GNAQ: variants seen among roughly 807,000 people sequenced by gnomAD.
The protein encoded by GNAQ is guanine nucleotide-binding protein G(q) subunit alpha.
GNAQ carries 8 observed loss-of-function variants against 43.9 expected under a neutral mutation model. That is an observed-to-expected ratio of 0.18 (90% CI 0.11 to 0.33). The LOEUF is 0.33. Ranked by LOEUF, GNAQ falls within the 10% of genes least tolerant of loss-of-function variation. The pLI is 1.00. For missense variants in GNAQ, 158 were observed against 450.8 expected (o/e 0.35, Z 5.88); for synonymous variants, 155 against 170.7 (o/e 0.91, Z 0.71).
intron 1 of GNAQ, among the ~76,000 whole-genome samples, chr9:77,985,337 G>A (rs1823422121): frequency 6.6e-6 from 1 of 152,078 alleles, no homozygotes; most frequent in South Asian, 2.1e-4. Flanking sequence ...ACAAACAAAA[G>A]AGTTTGTAGA....
chr9:77,850,254 C>T (rs1827653245), intron 2 of GNAQ, among the ~76,000 whole-genome samples: 1 of 152,204 alleles, frequency 6.6e-6, no homozygotes, highest in South Asian at 2.1e-4. Flanking sequence ...TGCCCTCACT[C>T]ACCAAGTCAG....
chr9:77,801,397 A>G (rs1826740923), intron 3 of GNAQ, among the ~76,000 whole-genome samples: 1 of 152,216 alleles, frequency 6.6e-6, no homozygotes. Flanking sequence ...GAGAATGACA[A>G]CAACAGCATA....
chr9:77,996,872 C>T (rs1309860897), intron 1 of GNAQ, among the ~76,000 whole-genome samples: 3 of 152,046 alleles, frequency 2.0e-5, no homozygotes, highest in Admixed American at 1.3e-4. Flanking sequence ...CAGTATCTGC[C>T]ACAATTGTTA....
chr9:77,725,000 A>G (rs1825376050), intron 6 of GNAQ, among the ~76,000 whole-genome samples: 1 of 152,200 alleles, frequency 6.6e-6, no homozygotes, highest in South Asian at 2.1e-4. Context: ...CATTTCATAA[A>G]AAGAACATTA....
chr9:78,005,891 C>T (rs1823700394), intron 1 of GNAQ, among the ~76,000 whole-genome samples: 1 of 152,170 alleles, frequency 6.6e-6, no homozygotes, highest in Admixed American at 6.5e-5. Flanking sequence ...GCAAAATCGG[C>T]CAACGGAAAA....
intron 2 of GNAQ, among the ~76,000 whole-genome samples, chr9:77,886,072 G>A (rs2118087333): frequency 6.6e-6 from 1 of 152,232 alleles, no homozygotes; most frequent in East Asian, 1.9e-4. Flanking sequence ...CACCTCCTGG[G>A]TTCAAGTGAC....
intron 1 of GNAQ, among the ~76,000 whole-genome samples, chr9:78,005,952 T>A (rs374419617): frequency 6.6e-6 from 1 of 152,318 alleles, no homozygotes; most frequent in African/African-American, 2.4e-5. Context: ...CCATGGGTCC[T>A]CTCCAAGTGG....
At chr9:77,867,076 G>A (rs1827961973) in intron 2 of GNAQ, among the ~76,000 whole-genome samples, 1 of 152,134 alleles carries the variant, frequency 6.6e-6, no homozygotes, top group South Asian at 2.1e-4. Context: ...ACTGTTCAGA[G>A]ATCAATTGCA....
intron 1 of GNAQ, among the ~76,000 whole-genome samples, chr9:77,951,033 C>A (rs1174842278): frequency 1.3e-5 from 2 of 150,876 alleles, no homozygotes; most frequent in Non-Finnish European, 2.9e-5. Flanking sequence ...ATCTTCACCC[C>A]AGTATACTTT....
chr9:77,996,894 C>G (rs1823576522), intron 1 of GNAQ, among the ~76,000 whole-genome samples: 1 of 152,108 alleles, frequency 6.6e-6, no homozygotes, highest in South Asian at 2.1e-4. Flanking sequence ...TGGTTCTTCC[C>G]TTCTACGGAT....
intron 2 of GNAQ, among the ~76,000 whole-genome samples, chr9:77,864,952 T>C (rs1393248381): frequency 6.6e-6 from 1 of 152,174 alleles, no homozygotes; most frequent in African/African-American, 2.4e-5. Context: ...TGTGCCCTTG[T>C]TGGAATTTGG....
chr9:77,952,917 TG>T (rs1250590485), intron 1 of GNAQ, among the ~76,000 whole-genome samples: 2 of 152,262 alleles, frequency 1.3e-5, no homozygotes, highest in African/African-American at 4.8e-5. Context: ...ATATTAAGTA[TG>T]TTTTTGAGAA....
At chr9:77,892,766 TGAG>T (rs1460457097) in intron 2 of GNAQ, among the ~76,000 whole-genome samples, 1 of 152,182 alleles carries the variant, frequency 6.6e-6, no homozygotes, top group Non-Finnish European at 1.5e-5. Context: ...TAAGAATCTA[TGAG>T]GAGATTAAAA....
intron 5 of GNAQ, among the ~76,000 whole-genome samples, chr9:77,761,738 C>T (rs1251951029): frequency 1.1e-4 from 8 of 71,504 alleles, no homozygotes; most frequent in Admixed American, 2.3e-4. Flanking sequence ...GTCAGCCCCC[C>T]GCCCGGCCAG....
chr9:77,848,637 A>T (rs1827623342), intron 2 of GNAQ, among the ~76,000 whole-genome samples: 1 of 152,242 alleles, frequency 6.6e-6, no homozygotes, highest in Non-Finnish European at 1.5e-5. Flanking sequence ...GATGACAATT[A>T]ATTAGTGTGG....
chr9:78,030,628 C>T lies in GNAQ; in HGVS notation c.136+472G>A, dbSNP rs73653024. On this transcript the variant is annotated intron_variant, in intron 1 of 6. Transcript: ENST00000286548. ...CCGGCCACTCCACCGCAGGCCATCC[C>T]CCAACGTGCCCCGGCTCCGCTCGCC... The T allele has an allele frequency of 1.3e-3, 587 of 443,484 alleles. 1 individual carries two copies. Among genetic ancestry groups the T allele is most frequent in the African/African-American group, 0.011 (530 of 49,518 alleles). The allele number at this position is 443,484 out of a possible 1,614,324, so 27.5% of individuals were successfully genotyped here.
intron 2 of GNAQ, among the ~76,000 whole-genome samples, chr9:77,887,821 C>T (rs1828335604): frequency 6.6e-6 from 1 of 152,118 alleles, no homozygotes; most frequent in Non-Finnish European, 1.5e-5. Context: ...CTATTATTCC[C>T]CAAGGCTTCT....
chr9:77,829,583 C>T (rs565609215), intron 2 of GNAQ, among the ~76,000 whole-genome samples: 29 of 152,288 alleles, frequency 1.9e-4, no homozygotes, highest in Admixed American at 4.6e-4. Flanking sequence ...AAGCTCCTCT[C>T]GACACAGCTG....
intron 5 of GNAQ, among the ~76,000 whole-genome samples, chr9:77,766,637 TG>T (rs1291311650): frequency 4.0e-5 from 6 of 151,116 alleles, no homozygotes; most frequent in Non-Finnish European, 8.8e-5. Context: ...AGGAGTGTGG[TG>T]GGGGTGTAGG....
Sources: gnomAD v4.1 joint callset for allele counts (sites outside exome capture counted in the v4.1 genomes callset) on GRCh38, gnomAD v4.1.1 for gene constraint, MANE v1.5 for transcripts, NCBI Gene and HGNC (gene_info 2026-07-23, HGNC 2026-07-21) for gene names.